GPRC5D: variants seen among roughly 807,000 people sequenced by gnomAD.
The protein encoded by GPRC5D is G protein-coupled receptor family C group 5 member D.
In GPRC5D, 20 loss-of-function variants were observed where a neutral mutation model predicts 29.3. The observed-to-expected ratio is 0.68, with a 90% CI of 0.48 to 0.99. The LOEUF (loss-of-function observed/expected upper bound fraction) is 0.99. Among genes scored for constraint, GPRC5D ranks in the 50% least tolerant of loss-of-function variants. The pLI is 0.00. For synonymous variants in GPRC5D, 178 were observed against 171.3 expected (o/e 1.04, Z -0.30); for missense variants, 384 against 423.6 (o/e 0.91, Z 0.82).
upstream of GPRC5D, among the ~76,000 whole-genome samples, chr12:12,950,672 T>C (rs1320995950): frequency 2.0e-5 from 3 of 148,380 alleles, no homozygotes; most frequent in African/African-American, 7.5e-5. Context: ...CCGGGTGTGG[T>C]GGTGCACACT....
intron 1 of GPRC5D, among the ~76,000 whole-genome samples, chr12:12,943,843 T>A (rs2136492067): frequency 6.6e-6 from 1 of 152,290 alleles, no homozygotes; most frequent in East Asian, 1.9e-4. Flanking sequence ...CTAGCTATAG[T>A]TCATGAGTTT....
intron 2 of GPRC5D, 126 bp from the exon 4 acceptor site, chr12:12,940,975 G>C: frequency 1.6e-6 from 1 of 612,426 alleles, no homozygotes; most frequent in Non-Finnish European, 3.0e-6. Flanking sequence ...GCAGTGGTGT[G>C]ATCTGGGCTC....
upstream of GPRC5D, among the ~76,000 whole-genome samples, chr12:12,950,992 C>T (rs1003376970): frequency 3.9e-5 from 6 of 151,936 alleles, no homozygotes; most frequent in African/African-American, 1.5e-4. Flanking sequence ...CGCTTATATT[C>T]CCAACTACTT....
chr12:12,942,510 G>A (rs112807202), intron 1 of GPRC5D, among the ~76,000 whole-genome samples, 182 bp from the exon 3 acceptor site: 5,127 of 152,286 alleles, frequency 0.034, 251 homozygotes, highest in African/African-American at 0.12. Context: ...CAAGACAGGC[G>A]GATCACTTGA....
intron 1 of GPRC5D, among the ~76,000 whole-genome samples, chr12:12,944,012 C>T (rs1863214096): frequency 6.6e-6 from 1 of 152,118 alleles, no homozygotes; most frequent in African/African-American, 2.4e-5. Flanking sequence ...GGCTTGAGGA[C>T]CTTGGTTTGG....
At chr12:12,942,297 T>C (rs188855286) in exon 2 of GPRC5D, 2 of 1,613,116 alleles carry the variant, frequency 1.2e-6, no homozygotes, top group East Asian at 2.2e-5. Flanking sequence ...AAGTTAATGC[T>C]ACATCCTCCT....
intron 1 of GPRC5D, among the ~76,000 whole-genome samples, chr12:12,945,174 T>G (rs1863283267): frequency 6.6e-6 from 1 of 151,682 alleles, no homozygotes; most frequent in Admixed American, 6.6e-5. Flanking sequence ...CAGCAAATTT[T>G]TTGTATTTTT....
chr12:12,941,026 T>G (rs532192052), intron 2 of GPRC5D, among the ~76,000 whole-genome samples, 177 bp from the exon 4 acceptor site: 1 of 152,326 alleles, frequency 6.6e-6, no homozygotes, highest in East Asian at 1.9e-4. Context: ...GTTCTCCTGC[T>G]TCAGCCTTCT....
chr12:12,942,822 A>C (rs1417962453), intron 1 of GPRC5D, among the ~76,000 whole-genome samples: 1 of 152,208 alleles, frequency 6.6e-6, no homozygotes, highest in African/African-American at 2.4e-5. Context: ...TTGATGTAGA[A>C]AGCGTGGGTA....
At chr12:12,942,899 C>T (rs551886737) in intron 1 of GPRC5D, among the ~76,000 whole-genome samples, 1 of 152,212 alleles carries the variant, frequency 6.6e-6, no homozygotes, top group Non-Finnish European at 1.5e-5. Flanking sequence ...AGTTCTTGCT[C>T]TCTCAGTATT....
At chr12:12,946,412 CTT>C (rs1199745205) in intron 1 of GPRC5D, among the ~76,000 whole-genome samples, 23 of 43,074 alleles carry the variant, frequency 5.3e-4, no homozygotes, top group African/African-American at 9.6e-4. Flanking sequence ...TCTTCTCTCT[CTT>C]TCTCTCTCTC....
chr12:12,945,461 T>C (rs1403342285), intron 1 of GPRC5D, among the ~76,000 whole-genome samples: 2 of 152,230 alleles, frequency 1.3e-5, no homozygotes, highest in African/African-American at 4.8e-5. Context: ...GCTCTTTATA[T>C]CACATTTAAG....
chr12:12,942,319 C>T lies in GPRC5D; in HGVS notation c.905G>A (p.Ser302Asn), dbSNP rs1402285222. 3 of 1,611,592 alleles carry T rather than the reference C, an allele frequency of 1.9e-6. No homozygotes were observed. The Admixed American group carries it at 5.0e-5, about 27-fold the overall frequency. ...TGCTACATCCTCCTCAGCTCCATCA[C>T]TGTCTCGGGCTGAAAGCCAAAGGAG... The change falls in exon 2 of 3, where the codon AGT becomes AAT. Residue 302 changes from serine to asparagine, a missense_variant. Physicochemically the swap from Ser to Asn is conservative, Grantham distance 46 (BLOSUM62 1). Coordinates refer to ENST00000228887, the Ensembl canonical transcript of GPRC5D.
Position 12,949,780 on chromosome 12 carries a change from T to C in GPRC5D, c.605A>G (p.His202Arg), listed in dbSNP as rs1453684663. 7 of 1,613,990 alleles carry C rather than the reference T, an allele frequency of 4.3e-6. No individual in the cohort carries two copies. Among genetic ancestry groups the C allele is most frequent in the Non-Finnish European group, 4.2e-6 (5 of 1,180,030 alleles). ...CACAGTGATAAAGATGAGCCTTCCA[T>C]GCTGCTTCCAGTTCTCACACGGGCC... The change falls in exon 1 of 3, where the codon CAT becomes CGT. Residue 202 changes from histidine (H) to arginine (R), a missense_variant. Physicochemically the swap from His to Arg is conservative, Grantham distance 29. Transcript: ENST00000228887.
chr12:12,949,854 G>A (rs572577009), exon 1 of GPRC5D: 2 of 1,614,112 alleles, frequency 1.2e-6, no homozygotes, highest in Non-Finnish European at 1.7e-6. Flanking sequence ...TCAGGAAGAG[G>A]ACATAGACCA....
chr12:12,950,093 C>T (rs1287705712), exon 1 of GPRC5D: 1 of 1,613,912 alleles, frequency 6.2e-7, no homozygotes, highest in Admixed American at 1.7e-5. Context: ...GCAAAGAGAA[C>T]CCCAAAGAGA....
intron 1 of GPRC5D, among the ~76,000 whole-genome samples, chr12:12,947,935 C>A (rs1863396478): frequency 6.6e-6 from 1 of 152,146 alleles, no homozygotes; most frequent in African/African-American, 2.4e-5. Context: ...CTATCACTGG[C>A]AGACTATTTC....
chr12:12,942,691 C>T (rs569466377), intron 1 of GPRC5D, among the ~76,000 whole-genome samples: 15 of 152,236 alleles, frequency 9.9e-5, no homozygotes, highest in Admixed American at 4.6e-4. Flanking sequence ...GCCGAGATCA[C>T]GCCACTGCAT....
intron 1 of GPRC5D, among the ~76,000 whole-genome samples, chr12:12,944,869 C>CT (rs1298153732): frequency 1.9e-5 from 2 of 107,952 alleles, no homozygotes. Context: ...TTCTTTCTTT[C>CT]TTTCTTTCTT....
Sources: gnomAD v4.1 joint callset for allele counts (sites outside exome capture counted in the v4.1 genomes callset) on GRCh38, gnomAD v4.1.1 for gene constraint, MANE v1.5 for transcripts, NCBI Gene and HGNC (gene_info 2026-07-23, HGNC 2026-07-21) for gene names.